Variants in PINX1 observed in about 807,000 individuals in gnomAD.
The protein encoded by PINX1 is PIN2 (TERF1) interacting telomerase inhibitor 1.
In PINX1, 34 loss-of-function variants were observed where a neutral mutation model predicts 25.4. The ratio of observed to expected loss-of-function variants is 1.34; its 90% CI spans 1.02 to 1.78. The LOEUF is 1.78. PINX1 is among the 40% of genes most tolerant of loss of function. PINX1 has a pLI of 0.00. For synonymous variants in PINX1, 197 were observed against 147.7 expected (o/e 1.33, Z -2.42); for missense variants, 592 against 404.9 (o/e 1.46, Z -3.97).
At chr8:10,832,357 C>T (rs1488785643) in intron 3 of PINX1, among the ~76,000 whole-genome samples, 3 of 152,088 alleles carry the variant, frequency 2.0e-5, no homozygotes, top group Admixed American at 6.5e-5. Context: ...TTTCAGTGTA[C>T]GAATCTGCCT....
chr8:10,804,969 A>G (rs779719708), intron 6 of PINX1, among the ~76,000 whole-genome samples: 43 of 151,952 alleles, frequency 2.8e-4, no homozygotes, highest in Admixed American at 6.6e-4. Flanking sequence ...TGACGCTACA[A>G]AGGGAGTTCA....
chr8:10,777,548 T>A (rs988800166), intron 6 of PINX1, among the ~76,000 whole-genome samples: 2 of 151,658 alleles, frequency 1.3e-5, no homozygotes, highest in African/African-American at 4.9e-5. Flanking sequence ...TGAAGGGGGG[T>A]TGGGTGTGCG....
chr8:10,768,591 G>A (rs576641912), intron 6 of PINX1, among the ~76,000 whole-genome samples: 20 of 152,296 alleles, frequency 1.3e-4, no homozygotes, highest in African/African-American at 4.6e-4. Flanking sequence ...CTTCTTCCCA[G>A]CAAAGTGCTG....
intron 6 of PINX1, among the ~76,000 whole-genome samples, chr8:10,813,820 G>A (rs1320871348): frequency 6.6e-6 from 1 of 151,708 alleles, no homozygotes; most frequent in Non-Finnish European, 1.5e-5. Context: ...TCTGGTTTCG[G>A]AGTATTTTCT....
intron 6 of PINX1, among the ~76,000 whole-genome samples, chr8:10,813,885 G>T (rs757671169): frequency 6.7e-6 from 1 of 149,756 alleles, no homozygotes; most frequent in African/African-American, 2.4e-5. Flanking sequence ...AAACTGGGAA[G>T]GTGGGGGAGG....
intron 6 of PINX1, among the ~76,000 whole-genome samples, 200 bp from the exon 7 acceptor site, chr8:10,766,116 G>A (rs567335021): frequency 1.3e-5 from 2 of 152,280 alleles, no homozygotes; most frequent in Non-Finnish European, 2.9e-5. Flanking sequence ...GGCCTGAACT[G>A]CAGGCCGGGA....
rs1393314005 is a variant in PINX1 at position 10,826,219 on chromosome 8, T to C, written c.327A>G (p.Lys109=). The C allele has an allele frequency of 1.3e-6, 2 of 1,589,014 alleles. No individual in the cohort carries two copies. The highest frequency in any genetic ancestry group is 8.6e-7 in the Non-Finnish European group (1 of 1,160,958). ...TGGACTTTTCCTCAAGGCTAAAAGA[T>C]TTCTTTTCCTTCTTGTCCGAGGAAT... is the stretch of plus-strand genomic sequence containing the variant. ...TTDSSDKKEK[K]SFSLEEKSKI... Residue 109 remains lysine, a synonymous_variant, in exon 5 of 7, where the codon AAA becomes AAG. Coordinates refer to ENST00000314787, the MANE Select transcript of PINX1 (RefSeq NM_017884.6).
intron 6 of PINX1, among the ~76,000 whole-genome samples, chr8:10,788,214 T>C (rs1801813849): frequency 6.6e-6 from 1 of 152,178 alleles, no homozygotes; most frequent in East Asian, 1.9e-4. Flanking sequence ...GACTCCTTTA[T>C]TATTCTCTCT....
chr8:10,786,859 C>T lies in PINX1; in HGVS notation c.472-20943G>A, dbSNP rs77197671. 3.1e-3 allele frequency among the ~76,000 whole-genome samples: 465 copies of T among 152,294 alleles called. 2 individuals carry two copies. Among genetic ancestry groups the T allele is most frequent in the African/African-American group, 0.01 (434 of 41,550 alleles). On this transcript the variant is annotated intron_variant, in intron 6 of 6. Transcript: ENST00000314787. Reference sequence around the variant, plus strand: ...CACCCAGCGCCTCTCCCCAGACAGCCCTCAGCTAGTGGCAGATTGCACCCC... The same window carrying T: ...CACCCAGCGCCTCTCCCCAGACAGCTCTCAGCTAGTGGCAGATTGCACCCC...
At position 10,776,446 on chromosome 8, in the gene PINX1, T is replaced by TAAATAAAC. The variant is rs1019538940; in HGVS notation, c.472-10531_472-10530insGTTTATTT. Among the ~76,000 whole-genome samples, 195 of 150,566 alleles carry TAAATAAAC rather than the reference T, an allele frequency of 1.3e-3. 2 individuals carry two copies. The Middle Eastern group carries it at 0.021, about 16-fold the overall frequency. On this transcript the variant is annotated intron_variant, in intron 6 of 6. Coordinates refer to ENST00000314787, the MANE Select transcript of PINX1 (RefSeq NM_017884.6). Reference sequence around the variant, plus strand: ...CTCAATAAATAAATAAATAAATAAATAAACAAACAAACAAACAAACAAATA... The same window carrying TAAATAAAC: ...CTCAATAAATAAATAAATAAATAAATAAATAAACAAACAAACAAACAAACAAACAAATA...
intron 2 of PINX1, 119 bp from the exon 3 acceptor site, chr8:10,833,103 T>A: frequency 1.7e-6 from 1 of 595,752 alleles, no homozygotes; most frequent in South Asian, 2.3e-5. Flanking sequence ...ATTCTCTCCA[T>A]TAAATACTTT....
chr8:10,813,330 C>A (rs1797596081), intron 6 of PINX1, among the ~76,000 whole-genome samples: 1 of 151,982 alleles, frequency 6.6e-6, no homozygotes, highest in South Asian at 2.1e-4. Context: ...TGTGAAAATT[C>A]AGAAAAGGAG....
intron 6 of PINX1, among the ~76,000 whole-genome samples, chr8:10,776,050 C>T (rs2129072487): frequency 6.6e-6 from 1 of 152,216 alleles, no homozygotes; most frequent in East Asian, 1.9e-4. Context: ...TTTTTAAGGT[C>T]CATCACAATT....
intron 6 of PINX1, among the ~76,000 whole-genome samples, chr8:10,819,429 G>A (rs1177514298): frequency 2.0e-5 from 3 of 152,068 alleles, no homozygotes; most frequent in Non-Finnish European, 4.4e-5. Context: ...GAGTAACAGT[G>A]GTCACAACCA....
At position 10,820,214 on chromosome 8, in the gene PINX1, T is replaced by A; in HGVS notation, c.450A>T (p.Arg150Ser). The A allele has an allele frequency of 6.2e-7, 1 of 1,612,074 alleles. No individual in the cohort carries two copies. Among genetic ancestry groups the A allele is most frequent in the Non-Finnish European group, 8.5e-7 (1 of 1,178,236 alleles). ...ATACCTCGGGAGTCTTCTTACTCTG[T>A]CTTTTCCCAAAAATGCAGTCAAGAT... The part of the protein sequence containing the change: ...KTDLDCIFGK[R>S]QSKKTPEGDA... Residue 150 changes from arginine to serine, a missense_variant, in exon 6 of 7, where the codon AGA (arginine) becomes AGT (serine). Coordinates refer to ENST00000314787, the MANE Select transcript of PINX1 (RefSeq NM_017884.6).
At position 10,830,745 on chromosome 8, in the gene PINX1, G is replaced by A. The variant is rs758833484; in HGVS notation, c.301+920C>T. Among the ~76,000 whole-genome samples the A allele has an allele frequency of 1.4e-4, 21 of 152,288 alleles. 1 individual carries two copies. The highest frequency in any genetic ancestry group is 7.2e-4 in the Admixed American group (11 of 15,292). On this transcript the variant is annotated intron_variant, in intron 4 of 6. Coordinates refer to ENST00000314787, the MANE Select transcript of PINX1 (RefSeq NM_017884.6). The stretch of plus-strand genomic sequence containing the variant: ...GCTTAACATCAGTCATTAGGGAAAT[G>A]GAAATCCAAATCACAATGAGACATC...
At chr8:10,774,442 C>T (rs1431892603) in intron 6 of PINX1, among the ~76,000 whole-genome samples, 2 of 152,200 alleles carry the variant, frequency 1.3e-5, no homozygotes, top group Non-Finnish European at 2.9e-5. Flanking sequence ...CCACCACGCC[C>T]AGCTAATTTT....
intron 6 of PINX1, among the ~76,000 whole-genome samples, chr8:10,798,434 T>C (rs914871077): frequency 6.6e-6 from 1 of 152,234 alleles, no homozygotes; most frequent in Non-Finnish European, 1.5e-5. Context: ...AACTAGCACA[T>C]GATTTCAGAA....
rs1236462589 is a variant in PINX1, at chr8:10,839,721, C to T, written c.19+17G>A. ...TCACCAACGCGCCTGGGTCGGGCCT[C>T]CGCTTCCGACACTCACGTTCAGCCA... On this transcript the variant is annotated intron_variant, in intron 1 of 6. Transcript: ENST00000314787. The T allele has an allele frequency of 6.2e-7, 1 of 1,601,194 alleles. No homozygotes were observed.
Sources: gnomAD v4.1 joint callset for allele counts (sites outside exome capture counted in the v4.1 genomes callset) on GRCh38, gnomAD v4.1.1 for gene constraint, MANE v1.5 for transcripts, NCBI Gene and HGNC (gene_info 2026-07-23, HGNC 2026-07-21) for gene names.